Variants in SPAG17 observed in about 807,000 individuals in gnomAD.
SPAG17 encodes the protein sperm-associated antigen 17.
In SPAG17, 169 loss-of-function variants were observed where a neutral mutation model predicts 273.6. That is an observed-to-expected ratio of 0.62 (90% CI 0.55 to 0.70). The LOEUF is 0.70. SPAG17 is among the 30% of genes least tolerant of loss of function. The pLI is 0.00. For missense variants in SPAG17, 2,557 were observed against 2,627.8 expected (o/e 0.97, Z 0.59); for synonymous variants, 825 against 873.2 (o/e 0.94, Z 0.97).
chr1:118,148,747 AC>A (rs1258330612), intron 3 of SPAG17, among the ~76,000 whole-genome samples: 1 of 152,170 alleles, frequency 6.6e-6, no homozygotes, highest in Non-Finnish European at 1.5e-5. Flanking sequence ...CACACTGTCC[AC>A]ATGTCTCAAA....
At chr1:117,955,263 T>C (rs1246181201) in intron 48 of SPAG17, 2 of 1,509,042 alleles carry the variant, frequency 1.3e-6, no homozygotes, top group Admixed American at 1.9e-5. Context: ...TAGAGAACTT[T>C]AGTAGAAACC....
At chr1:118,096,972 C>A (rs933967150) in intron 7 of SPAG17, among the ~76,000 whole-genome samples, 1 of 152,064 alleles carries the variant, frequency 6.6e-6, no homozygotes, top group African/African-American at 2.4e-5. Context: ...TGGTGGCTCA[C>A]GCCTGTAATC....
intron 17 of SPAG17, 30 bp downstream of exon 17, chr1:118,073,824 G>A (rs187712878): frequency 3.2e-5 from 47 of 1,473,446 alleles, no homozygotes; most frequent in East Asian, 7.1e-5. Context: ...CTATCTGACC[G>A]TCTCCTAGAG....
chr1:118,117,055 C>T (rs904909492), intron 3 of SPAG17, among the ~76,000 whole-genome samples: 12 of 152,334 alleles, frequency 7.9e-5, no homozygotes, highest in African/African-American at 2.9e-4. Flanking sequence ...CTGGGTCCAA[C>T]CCCAAGAGTA....
chr1:118,079,422 G>A (rs1654356809), intron 15 of SPAG17, among the ~76,000 whole-genome samples: 3 of 151,890 alleles, frequency 2.0e-5, no homozygotes. Flanking sequence ...TTCCTTATAT[G>A]ATTTTTATTC....
At chr1:118,132,846 A>G (rs548629393) in intron 3 of SPAG17, among the ~76,000 whole-genome samples, 1 of 152,298 alleles carries the variant, frequency 6.6e-6, no homozygotes, top group South Asian at 2.1e-4. Context: ...ATCTCAGCTC[A>G]CTGCAACCTC....
At position 118,016,038 on chromosome 1, in the gene SPAG17, G is replaced by A. The variant is rs1185174565; in HGVS notation, c.4214C>T (p.Thr1405Ile). The A allele has an allele frequency of 6.2e-7, 1 of 1,613,844 alleles. No homozygotes were observed. Among genetic ancestry groups the A allele is most frequent in the African/African-American group, 1.3e-5 (1 of 74,888 alleles). Residue 1405 changes from threonine to isoleucine, a missense_variant, in exon 29 of 49, where the codon ACC becomes ATC. Physicochemically the swap from Thr to Ile is moderately conservative, Grantham distance 89. Transcript: ENST00000336338. ...GTCTGCTATTCTTTCTAATCCTTTG[G>A]TGCCGATCCGATTTCCTTCAGGTGT... ...TTTPEGNRIG[T>I]KGLERIADLT...
chr1:118,134,807 C>T (rs1658247906), intron 3 of SPAG17, among the ~76,000 whole-genome samples: 1 of 152,190 alleles, frequency 6.6e-6, no homozygotes, highest in South Asian at 2.1e-4. Context: ...TCATACCTTG[C>T]TGTCTGTCTG....
intron 18 of SPAG17, among the ~76,000 whole-genome samples, chr1:118,057,982 C>T (rs568417058): frequency 6.6e-6 from 1 of 151,648 alleles, no homozygotes; most frequent in African/African-American, 2.4e-5. Flanking sequence ...ATCACACACT[C>T]AGAATAAACT....
intron 20 of SPAG17, among the ~76,000 whole-genome samples, chr1:118,048,023 G>C (rs1215922545): frequency 6.6e-6 from 1 of 152,104 alleles, no homozygotes; most frequent in Admixed American, 6.5e-5. Context: ...TGCAGAGTCA[G>C]GTGCAGGCTG....
At chr1:118,070,206 A>G (rs1188486645) in intron 17 of SPAG17, among the ~76,000 whole-genome samples, 7 of 152,222 alleles carry the variant, frequency 4.6e-5, no homozygotes, top group Non-Finnish European at 8.8e-5. Flanking sequence ...AAGCAGAAGG[A>G]TAAATGCTAA....
chr1:118,035,742 C>G (rs900651260), intron 24 of SPAG17, among the ~76,000 whole-genome samples: 1 of 152,070 alleles, frequency 6.6e-6, no homozygotes, highest in Non-Finnish European at 1.5e-5. Context: ...TAGAGTTTAT[C>G]CTTTGATTTT....
intron 27 of SPAG17, among the ~76,000 whole-genome samples, chr1:118,024,851 T>C (rs939977991): frequency 1.1e-4 from 16 of 152,210 alleles, no homozygotes; most frequent in African/African-American, 3.4e-4. Flanking sequence ...CTCCATCAGT[T>C]TGATCTCATC....
At chr1:118,146,649 T>C (rs1350736668) in intron 3 of SPAG17, among the ~76,000 whole-genome samples, 1 of 152,194 alleles carries the variant, frequency 6.6e-6, no homozygotes, top group African/African-American at 2.4e-5. Flanking sequence ...AATGCCCTCT[T>C]CCACATTTGA....
chr1:118,125,013 G>C (rs1000305897), intron 3 of SPAG17, among the ~76,000 whole-genome samples: 1 of 151,996 alleles, frequency 6.6e-6, no homozygotes, highest in South Asian at 2.1e-4. Context: ...GAGCCTTTTA[G>C]CCCAGGTTTT....
At chr1:118,006,463 T>C (rs970785378) in intron 31 of SPAG17, among the ~76,000 whole-genome samples, 13 of 152,268 alleles carry the variant, frequency 8.5e-5, no homozygotes, top group African/African-American at 2.9e-4. Context: ...TTCCATTGTA[T>C]GGCTATATCA....
At chr1:118,082,998 T>C (rs1234037516) in intron 13 of SPAG17, among the ~76,000 whole-genome samples, 2 of 152,110 alleles carry the variant, frequency 1.3e-5, no homozygotes, top group African/African-American at 2.4e-5. Context: ...GTTTAGGTTC[T>C]TATTGTTGCT....
In SPAG17 at chr1:118,117,880, T is replaced by C. The variant is rs542446257; in HGVS notation, c.316-2439A>G. Among the ~76,000 whole-genome samples the C allele has an allele frequency of 3.9e-5, 6 of 152,390 alleles. No individual in the cohort carries two copies. In the South Asian group the frequency reaches 1.2e-3, roughly 32 times the overall value. ...CTTTCTGTGCGTCTCCCAAAGGGAA[T>C]GATATTGTGAATTATTGGAATAATT... On this transcript the variant is annotated intron_variant, in intron 3 of 48. Coordinates refer to ENST00000336338, the MANE Select transcript of SPAG17 (RefSeq NM_206996.4).
At position 118,097,859 on chromosome 1, in the gene SPAG17, T is replaced by C. The variant is rs749784988; in HGVS notation, c.830-8A>G. Reference sequence around the variant, plus strand: ...ATTTTTCTGCTTCTAGATCTAATAATAGCAACATGTTTATATTACCAAATG... The same window carrying C: ...ATTTTTCTGCTTCTAGATCTAATAACAGCAACATGTTTATATTACCAAATG... On this transcript the variant is annotated splice_polypyrimidine_tract_variant and splice_region_variant and intron_variant, in intron 6 of 48. Transcript: ENST00000336338. The C allele has an allele frequency of 4.5e-6, 7 of 1,554,340 alleles. No homozygotes were observed. The Admixed American group carries it at 1.4e-4, about 31-fold the overall frequency.
Sources: gnomAD v4.1 joint callset for allele counts (sites outside exome capture counted in the v4.1 genomes callset) on GRCh38, gnomAD v4.1.1 for gene constraint, MANE v1.5 for transcripts, NCBI Gene and HGNC (gene_info 2026-07-23, HGNC 2026-07-21) for gene names.